The following CHST11 variants were observed in gnomAD, a reference collection of about 807,000 sequenced individuals.
The protein encoded by CHST11 is C4S-1.
CHST11 carries 9 observed loss-of-function variants against 30.4 expected under a neutral mutation model. That is an observed-to-expected ratio of 0.30 (90% CI 0.18 to 0.52). The LOEUF is 0.52. CHST11 is among the 20% of genes least tolerant of loss of function. The pLI is 0.97. For synonymous variants in CHST11, 152 were observed against 187.8 expected (o/e 0.81, Z 1.56); for missense variants, 348 against 460.6 (o/e 0.76, Z 2.24).
chr12:104,744,871 TTATTTATTTATTTA>T (rs1307118192), intron 2 of CHST11, among the ~76,000 whole-genome samples: 2 of 150,526 alleles, frequency 1.3e-5, no homozygotes, highest in African/African-American at 2.5e-5. Context: ...ATTTATTTAT[TTATTTATTTATTTA>T]TTTTTTGAGA....
At chr12:104,717,892 G>A (rs2040143943) in intron 2 of CHST11, among the ~76,000 whole-genome samples, 1 of 152,170 alleles carries the variant, frequency 6.6e-6, no homozygotes, top group African/African-American at 2.4e-5. Flanking sequence ...ATAGGTTGCA[G>A]TGAGCCAAGA....
chr12:104,735,754 C>T (rs994438166), intron 2 of CHST11, among the ~76,000 whole-genome samples: 6 of 152,176 alleles, frequency 3.9e-5, no homozygotes, highest in Admixed American at 1.3e-4. Context: ...TGGCAGGGGC[C>T]AGGATGCAGA....
chr12:104,560,470 G>T (rs2038502562), intron 1 of CHST11, among the ~76,000 whole-genome samples: 1 of 152,126 alleles, frequency 6.6e-6, no homozygotes, highest in Admixed American at 6.6e-5. Context: ...TTTGATGTGT[G>T]CTATTCAAAC....
rs1241162052 is a variant in CHST11, at chr12:104,572,005, C to A, written c.119-29901C>A. On this transcript the variant is annotated intron_variant, in intron 1 of 2. Coordinates refer to ENST00000303694, the MANE Select transcript of CHST11 (RefSeq NM_018413.6). The stretch of plus-strand genomic sequence containing the variant: ...TTTTGTCGTTGGTTCTGTTTATATG[C>A]TGGATTATGTTTATTGATTTGCATA... 3.3e-5 allele frequency among the ~76,000 whole-genome samples: 5 copies of A among 151,914 alleles called. No homozygotes were observed. The East Asian group carries it at 9.7e-4, about 29-fold the overall frequency.
intron 1 of CHST11, among the ~76,000 whole-genome samples, chr12:104,502,097 T>G (rs2037858473): frequency 6.6e-6 from 1 of 152,066 alleles, no homozygotes; most frequent in East Asian, 1.9e-4. Context: ...GGCATGATCA[T>G]AGCTCACTGC....
chr12:104,683,785 C>T (rs2039819898), intron 2 of CHST11, among the ~76,000 whole-genome samples: 1 of 152,062 alleles, frequency 6.6e-6, no homozygotes, highest in African/African-American at 2.4e-5. Flanking sequence ...GAACATCTAC[C>T]AGGATGAATG....
At chr12:104,727,902 G>T (rs312154) in intron 2 of CHST11, among the ~76,000 whole-genome samples, 81,304 of 151,830 alleles carry the variant, frequency 0.54, 22,209 homozygotes, top group East Asian at 0.64. Context: ...TGATATCTTA[G>T]CCAAGCCTGG....
intron 2 of CHST11, among the ~76,000 whole-genome samples, chr12:104,736,079 A>C (rs1169262704): frequency 2.6e-5 from 4 of 152,160 alleles, no homozygotes; most frequent in Non-Finnish European, 5.9e-5. Flanking sequence ...GGAAGAGGGC[A>C]GTGACCACTC....
chr12:104,531,052 C>T (rs1028419418), intron 1 of CHST11, among the ~76,000 whole-genome samples: 2 of 152,200 alleles, frequency 1.3e-5, no homozygotes, highest in Non-Finnish European at 2.9e-5. Flanking sequence ...TCATGTTTTC[C>T]ATCAGCCACA....
At chr12:104,717,243 G>A (rs1447649587) in intron 2 of CHST11, among the ~76,000 whole-genome samples, 2 of 152,302 alleles carry the variant, frequency 1.3e-5, no homozygotes, top group African/African-American at 2.4e-5. Context: ...CAGGAAGAGC[G>A]GGAGGTTATT....
At chr12:104,497,530 T>C (rs1593971480) in intron 1 of CHST11, among the ~76,000 whole-genome samples, 1 of 152,154 alleles carries the variant, frequency 6.6e-6, no homozygotes, top group African/African-American at 2.4e-5. Context: ...CCCAGGCAAA[T>C]CAATACATGA....
At chr12:104,683,426 G>T (rs1338722335) in intron 2 of CHST11, among the ~76,000 whole-genome samples, 1 of 152,204 alleles carries the variant, frequency 6.6e-6, no homozygotes, top group Non-Finnish European at 1.5e-5. Context: ...CATTTTGGAG[G>T]TGGCCCTATG....
rs564392956 is a variant in CHST11 at position 104,758,363 on chromosome 12, A to G, written c.*560A>G. On this transcript the variant is annotated 3_prime_UTR_variant, in exon 3 of 3. Transcript: ENST00000303694. ...TTTGCAAGGGACTCATTCCAAACCA[A>G]TTCCAATCGACCTGAAAGTCCCTTG... 2 of 152,360 alleles carry G rather than the reference A, an allele frequency of 1.3e-5. No individual in the cohort carries two copies. Among genetic ancestry groups the G allele is most frequent in the African/African-American group, 2.4e-5 (1 of 41,576 alleles). The allele number at this position is 152,360 out of a possible 1,614,324, so 9.4% of individuals were successfully genotyped here. A position where few individuals can be genotyped will look rare whatever the true frequency, so the allele number is the denominator to read the frequency against.
chr12:104,670,335 G>A (rs922636404), intron 2 of CHST11, among the ~76,000 whole-genome samples: 3 of 152,148 alleles, frequency 2.0e-5, no homozygotes, highest in Non-Finnish European at 2.9e-5. Flanking sequence ...GCCTCTGCAC[G>A]GCACCCAGGG....
intron 2 of CHST11, among the ~76,000 whole-genome samples, chr12:104,605,215 G>A (rs1273884888): frequency 6.6e-6 from 1 of 151,596 alleles, no homozygotes; most frequent in African/African-American, 2.4e-5. Context: ...TGGGAAAATT[G>A]GGAAATTTTG....
chr12:104,722,840 G>A (rs140914959), intron 2 of CHST11, among the ~76,000 whole-genome samples: 1 of 152,150 alleles, frequency 6.6e-6, no homozygotes, highest in African/African-American at 2.4e-5. Flanking sequence ...CCTTTGTGAG[G>A]CTGAGATGGG....
intron 1 of CHST11, among the ~76,000 whole-genome samples, chr12:104,563,306 G>T (rs1392671486): frequency 6.6e-6 from 1 of 152,190 alleles, no homozygotes; most frequent in African/African-American, 2.4e-5. Context: ...CCTAAGTGCT[G>T]GGATTACAGG....
intron 1 of CHST11, among the ~76,000 whole-genome samples, chr12:104,565,487 G>A (rs896386734): frequency 3.3e-5 from 5 of 151,670 alleles, no homozygotes; most frequent in East Asian, 3.9e-4. Context: ...GGCTGGTCTC[G>A]AACTCCTGAC....
At chr12:104,493,481 G>C (rs2037769848) in intron 1 of CHST11, among the ~76,000 whole-genome samples, 1 of 152,240 alleles carries the variant, frequency 6.6e-6, no homozygotes, top group South Asian at 2.1e-4. Context: ...GGTGAATGAA[G>C]TACATTTTGT....
Sources: gnomAD v4.1 joint callset for allele counts (sites outside exome capture counted in the v4.1 genomes callset) on GRCh38, gnomAD v4.1.1 for gene constraint, MANE v1.5 for transcripts, NCBI Gene and HGNC (gene_info 2026-07-23, HGNC 2026-07-21) for gene names.